LRRC8C: variants seen among roughly 807,000 people sequenced by gnomAD.
The protein encoded by LRRC8C is leucine rich repeat containing 8 VRAC subunit C.
LRRC8C carries 20 observed loss-of-function variants against 55.3 expected under a neutral mutation model. The observed-to-expected ratio is 0.36, with a 90% CI of 0.25 to 0.53. The LOEUF (loss-of-function observed/expected upper bound fraction) is 0.53, where lower values mean the gene tolerates loss of function less well. Among genes scored for constraint, LRRC8C ranks in the 20% least tolerant of loss-of-function variants. The probability of loss-of-function intolerance (pLI) is 0.92; values close to 1 mark genes in which losing one functional copy is unlikely to be tolerated. For missense variants in LRRC8C, 659 were observed against 951.4 expected (o/e 0.69, Z 4.04); for synonymous variants, 376 against 360.7 (o/e 1.04, Z -0.48).
At chr1:89,623,949 T>C in the LRRC8C span, among the ~76,000 whole-genome samples, 2 of 152,204 alleles carry the variant, frequency 1.3e-5, no homozygotes, top group African/African-American at 4.8e-5. Context: ...CTTTCTGGGA[T>C]GGTGGTATAA....
intron 2 of LRRC8C, among the ~76,000 whole-genome samples, chr1:89,700,337 C>T (rs776224632): frequency 6.6e-6 from 1 of 152,204 alleles, no homozygotes; most frequent in Non-Finnish European, 1.5e-5. Flanking sequence ...TTTGTGCTCT[C>T]GTTTGATTTT....
intron 1 of LRRC8C, among the ~76,000 whole-genome samples, chr1:89,676,044 G>T (rs567073623): frequency 6.6e-6 from 1 of 152,066 alleles, no homozygotes. Flanking sequence ...TGAATTGTGC[G>T]GAATAGGCAT....
chr1:89,623,095 C>G, the LRRC8C span, among the ~76,000 whole-genome samples: 1 of 151,770 alleles, frequency 6.6e-6, no homozygotes, highest in Non-Finnish European at 1.5e-5. Context: ...GGAAGCAGTT[C>G]ATCTTATCTG....
intron 2 of LRRC8C, among the ~76,000 whole-genome samples, chr1:89,699,695 G>A (rs558721724): frequency 6.6e-6 from 1 of 152,274 alleles, no homozygotes; most frequent in South Asian, 2.1e-4. Context: ...CAGCATGTGT[G>A]GTTCTCATAG....
intron 1 of LRRC8C, among the ~76,000 whole-genome samples, chr1:89,642,826 G>A (rs1248759272): frequency 2.7e-5 from 4 of 146,030 alleles, no homozygotes; most frequent in Admixed American, 6.9e-5. Flanking sequence ...CAGCCTGGGC[G>A]ACAGAGCAAG....
chr1:89,645,947 A>C (rs1198166583), intron 1 of LRRC8C, among the ~76,000 whole-genome samples: 1 of 150,622 alleles, frequency 6.6e-6, no homozygotes. Context: ...GTAGTTTGGT[A>C]GGAAGATGAT....
In LRRC8C at chr1:89,717,303, G is replaced by A. The variant is rs1234986720; in HGVS notation, c.*2321G>A. On this transcript the variant is annotated 3_prime_UTR_variant, in exon 3 of 3. Coordinates refer to ENST00000370454, the MANE Select transcript of LRRC8C (RefSeq NM_032270.5). ...TTATTTTCTATATTACCCTTCAAAAGGGATCTCTTCAGGTTAAAAATCACG... is the reference window on the plus strand; with the variant it reads ...TTATTTTCTATATTACCCTTCAAAAAGGATCTCTTCAGGTTAAAAATCACG... The A allele has an allele frequency of 6.6e-6, 1 of 152,062 alleles. No individual in the cohort carries two copies. The highest frequency in any genetic ancestry group is 1.5e-5 in the Non-Finnish European group (1 of 67,996). 9.4% of individuals were successfully genotyped at this position (152,062 alleles called of 1,614,324 possible).
chr1:89,665,260 G>A (rs958826852), intron 1 of LRRC8C, among the ~76,000 whole-genome samples: 2 of 152,196 alleles, frequency 1.3e-5, no homozygotes, highest in Admixed American at 1.3e-4. Flanking sequence ...GATATTGGCT[G>A]TGGGTTTGTC....
rs1299990869 is a variant in LRRC8C at position 89,659,055 on chromosome 1, TTTTTTTTGTGTGTGTGTGTGTG to T, written c.-5+25735_-5+25756del. Reference sequence around the variant, plus strand: ...AGGTTGTGTCTTCTCCAGGTTTTTTTTTTTTTTGTGTGTGTGTGTGTGTGTGTGTGTGTGTGTGTGTGTGTGT... The same window carrying T: ...AGGTTGTGTCTTCTCCAGGTTTTTTTTGTGTGTGTGTGTGTGTGTGTGTGT... On this transcript the variant is annotated intron_variant, in intron 1 of 2. Transcript: ENST00000370454. Among the ~76,000 whole-genome samples the T allele has an allele frequency of 2.3e-4, 25 of 110,998 alleles. 1 individual carries two copies. Among genetic ancestry groups the T allele is most frequent in the Admixed American group, 1.3e-3 (13 of 10,218 alleles). The allele number at this position is 110,998 out of a possible 152,430, so 72.8% of individuals were successfully genotyped here.
intron 2 of LRRC8C, among the ~76,000 whole-genome samples, chr1:89,711,370 C>T (rs1282477099): frequency 6.6e-6 from 1 of 152,172 alleles, no homozygotes; most frequent in Non-Finnish European, 1.5e-5. Flanking sequence ...AGTTTCTATG[C>T]CTATAATCAA....
intron 1 of LRRC8C, among the ~76,000 whole-genome samples, chr1:89,644,555 T>C (rs1195534119): frequency 2.0e-5 from 3 of 152,236 alleles, no homozygotes; most frequent in Admixed American, 2.0e-4. Flanking sequence ...ATTTGAATTA[T>C]GACTTTTCTC....
At chr1:89,707,635 G>GGT (rs1247177777) in intron 2 of LRRC8C, among the ~76,000 whole-genome samples, 19 of 140,882 alleles carry the variant, frequency 1.3e-4, no homozygotes, top group African/African-American at 3.9e-4. Flanking sequence ...AGGTGTGGCT[G>GGT]GTGTGTGTGT....
intron 1 of LRRC8C, among the ~76,000 whole-genome samples, chr1:89,634,873 C>T (rs1365159338): frequency 6.6e-6 from 1 of 152,024 alleles, no homozygotes; most frequent in Non-Finnish European, 1.5e-5. Context: ...CAGTTTGTTT[C>T]CTTTGAGGGG....
intron 2 of LRRC8C, among the ~76,000 whole-genome samples, chr1:89,711,753 G>A (rs1219219353): frequency 6.6e-6 from 1 of 152,216 alleles, no homozygotes; most frequent in African/African-American, 2.4e-5. Context: ...AACGTTGGTG[G>A]AAGGATGGTG....
intron 2 of LRRC8C, among the ~76,000 whole-genome samples, chr1:89,695,938 ATGTAT>A (rs917020065): frequency 1.3e-5 from 2 of 152,198 alleles, no homozygotes; most frequent in Non-Finnish European, 2.9e-5. Flanking sequence ...TAAAATAGAA[ATGTAT>A]TGTTTTTAGT....
At chr1:89,689,896 G>A (rs181606073) in intron 2 of LRRC8C, among the ~76,000 whole-genome samples, 5 of 151,934 alleles carry the variant, frequency 3.3e-5, no homozygotes, top group East Asian at 3.9e-4. Context: ...AGCCAAGATC[G>A]CACCATTGCA....
intron 2 of LRRC8C, among the ~76,000 whole-genome samples, chr1:89,707,649 T>A (rs1003361365): frequency 8.1e-6 from 1 of 122,894 alleles, no homozygotes; most frequent in Admixed American, 8.1e-5. Context: ...TGTGTGTGTG[T>A]GAGTGTGTGT....
chr1:89,679,538 A>G (rs1051390959), intron 1 of LRRC8C, among the ~76,000 whole-genome samples: 1 of 152,186 alleles, frequency 6.6e-6, no homozygotes, highest in African/African-American at 2.4e-5. Flanking sequence ...AGGGTGACAG[A>G]GCCAGACCCT....
At chr1:89,702,963 AAC>A (rs1375083040) in intron 2 of LRRC8C, among the ~76,000 whole-genome samples, 2 of 152,216 alleles carry the variant, frequency 1.3e-5, no homozygotes, top group African/African-American at 2.4e-5. Context: ...CAGGAATCAA[AAC>A]ACACGCTCAT....
Sources: allele counts gnomAD v4.1 joint callset (sites outside exome capture counted in the v4.1 genomes callset), GRCh38; gene constraint gnomAD v4.1.1; transcripts MANE v1.5; gene names NCBI Gene and HGNC (gene_info 2026-07-23, HGNC 2026-07-21).